Variants in DMD observed in about 807,000 individuals in gnomAD.
The protein encoded by DMD is dystrophin, also known as mutant dystrophin.
In DMD, 63 loss-of-function variants were observed where a neutral mutation model predicts 330.1. The observed-to-expected ratio is 0.19, with a 90% confidence interval of 0.16 to 0.24. The LOEUF (loss-of-function observed/expected upper bound fraction) is 0.24, where lower values mean the gene tolerates loss of function less well. DMD is among the 10% of genes least tolerant of loss of function. The pLI is 1.00. For missense variants in DMD, 3,344 were observed against 2,684.1 expected (o/e 1.25, Z -5.43); for synonymous variants, 1,223 against 959.8 (o/e 1.27, Z -5.07).
intron 44 of DMD, among the ~76,000 whole-genome samples, chrX:32,014,412 G>A (rs1204670837): frequency 9.0e-6 from 1 of 111,330 alleles, no homozygotes; most frequent in Non-Finnish European, 1.9e-5. Context: ...AGGAATCCAA[G>A]CATTGGAAAT....
At chrX:32,504,499 C>A (rs1462956772) in intron 18 of DMD, among the ~76,000 whole-genome samples, 1 of 109,841 alleles carries the variant, frequency 9.1e-6, no homozygotes, top group African/African-American at 3.3e-5. Context: ...TGGTGGCAGG[C>A]ACCTATAATC....
intron 64 of DMD, among the ~76,000 whole-genome samples, chrX:31,221,240 AC>A (rs144728111): frequency 0.064 from 7,124 of 110,893 alleles, 213 homozygotes; most frequent in Non-Finnish European, 0.091. Context: ...TGATTATGTC[AC>A]CCCCAGGCCA....
rs1329387146 is a variant in DMD at position 31,444,501 on chromosome X, T to C, written c.9064A>G (p.Thr3022Ala). Residue 3022 changes from threonine to alanine, a missense_variant, in exon 60 of 79, where the codon ACC (threonine) becomes GCC (alanine). Thr to Ala is a moderately conservative substitution (Grantham distance 58, BLOSUM62 0). Coordinates refer to ENST00000357033, the MANE Select transcript of DMD (RefSeq NM_004006.3). ...CTTACCTGCAGAAGCTTCCATCTGG[T>C]GTTCAGGTCTTCCAGAGTGCTGAGG... is the stretch of plus-strand genomic sequence containing the variant. Reference protein sequence around the residue: ...YNLSTLEDLNTRWKLLQVAVE... With the variant: ...YNLSTLEDLNARWKLLQVAVE... 1 of 1,211,682 alleles carries C rather than the reference T, an allele frequency of 8.3e-7. No individual in the cohort carries two copies. The highest frequency in any genetic ancestry group is 2.2e-5 in the Admixed American group (1 of 46,009).
chrX:33,112,484 T>C, intron 1 of DMD, among the ~76,000 whole-genome samples: 1 of 111,771 alleles, frequency 8.9e-6, no homozygotes, highest in Non-Finnish European at 1.9e-5. Context: ...CGCTATGCGG[T>C]TTATTGACAT....
chrX:32,851,316 G>C (rs1302196510), intron 2 of DMD, among the ~76,000 whole-genome samples: 1 of 112,101 alleles, frequency 8.9e-6, no homozygotes, highest in South Asian at 3.7e-4. Flanking sequence ...GCCCAGCTTT[G>C]TGAATCCAGC....
intron 1 of DMD, among the ~76,000 whole-genome samples, chrX:33,169,264 A>T (rs2148693755): frequency 8.9e-6 from 1 of 112,093 alleles, no homozygotes; most frequent in South Asian, 3.6e-4. Context: ...GAAACAATAC[A>T]AATGATCTTT....
rs370129371 is a variant in DMD at position 33,297,615 on chromosome X, A to C, written c.7+41644T>G. Among the ~76,000 whole-genome samples, 3 of 111,665 alleles carry C rather than the reference A, an allele frequency of 2.7e-5. No homozygotes were observed. In the East Asian group the frequency reaches 8.5e-4, roughly 31 times the overall value. On this transcript the variant is annotated intron_variant, in intron 1 of 17. Transcript: ENST00000288447. Reference sequence around the variant, plus strand: ...TTTGTGGATGTATGGATGAATAAAGAAATTATGGTATGTATACAATGAAAT... The same window carrying C: ...TTTGTGGATGTATGGATGAATAAAGCAATTATGGTATGTATACAATGAAAT...
rs750012086 is a variant in DMD at position 32,134,836 on chromosome X, G to T, written c.6438+82080C>A. ...AATAGGGTATATGTGAGATGAAAAA[G>T]TATCCTCAGAGATGAAAGGATTTGC... On this transcript the variant is annotated intron_variant, in intron 44 of 78. Coordinates refer to ENST00000357033, the MANE Select transcript of DMD (RefSeq NM_004006.3). Among the ~76,000 whole-genome samples the T allele has an allele frequency of 6.3e-5, 7 of 111,917 alleles. No individual in the cohort carries two copies. The East Asian group carries it at 2.0e-3, about 31-fold the overall frequency.
chrX:31,620,581 A>C (rs2078473947), intron 55 of DMD, among the ~76,000 whole-genome samples: 2 of 109,115 alleles, frequency 1.8e-5, no homozygotes, highest in South Asian at 4.0e-4. Context: ...CACCTGGCTA[A>C]TTTTTGTATT....
chrX:32,704,485 C>T (rs1230449418), intron 7 of DMD, among the ~76,000 whole-genome samples: 1 of 111,628 alleles, frequency 9.0e-6, no homozygotes, highest in South Asian at 3.7e-4. Context: ...AAATTTCAGG[C>T]CAAGTTTCTG....
At chrX:31,595,291 C>T (rs1476563384) in intron 55 of DMD, among the ~76,000 whole-genome samples, 3 of 111,135 alleles carry the variant, frequency 2.7e-5, no homozygotes, top group Non-Finnish European at 5.7e-5. Context: ...GTAAATATTA[C>T]ATCTTTACCC....
At chrX:32,458,666 G>A (rs1463324798) in intron 25 of DMD, among the ~76,000 whole-genome samples, 4 of 110,992 alleles carry the variant, frequency 3.6e-5, no homozygotes. Context: ...AGTATCTTTT[G>A]CTTTGTTTTG....
intron 45 of DMD, among the ~76,000 whole-genome samples, chrX:31,938,283 G>A (rs2094948682): frequency 9.0e-6 from 1 of 111,287 alleles, no homozygotes; most frequent in Non-Finnish European, 1.9e-5. Flanking sequence ...TGAAGTTCTA[G>A]AGATTGATAC....
chrX:33,157,712 T>A (rs956357799), intron 1 of DMD, among the ~76,000 whole-genome samples: 2 of 111,975 alleles, frequency 1.8e-5, no homozygotes, highest in Admixed American at 1.9e-4. Context: ...TCCCAGCACT[T>A]TGGGAGGCTG....
intron 44 of DMD, among the ~76,000 whole-genome samples, chrX:32,086,878 C>T (rs1258978816): frequency 1.8e-5 from 2 of 111,639 alleles, no homozygotes; most frequent in Non-Finnish European, 3.8e-5. Context: ...TGGCCTGGAG[C>T]TCCAAAAGTA....
intron 1 of DMD, among the ~76,000 whole-genome samples, chrX:33,280,956 G>A (rs2148921391): frequency 9.0e-6 from 1 of 111,536 alleles, no homozygotes; most frequent in East Asian, 2.8e-4. Flanking sequence ...TTTATAATAA[G>A]CCTGTGTAAG....
chrX:32,492,464 C>A (rs1165092857), intron 19 of DMD, among the ~76,000 whole-genome samples: 12 of 112,131 alleles, frequency 1.1e-4, no homozygotes, highest in African/African-American at 3.9e-4. Context: ...GTAGTAATAC[C>A]AAACCCAGAA....
At chrX:32,164,947 G>T (rs1219039175) in intron 44 of DMD, among the ~76,000 whole-genome samples, 5 of 112,392 alleles carry the variant, frequency 4.4e-5, no homozygotes, top group Non-Finnish European at 9.4e-5. Flanking sequence ...ACGTGGTGTT[G>T]AGTCTGTGGA....
intron 1 of DMD, among the ~76,000 whole-genome samples, chrX:33,117,069 T>C (rs911016090): frequency 5.5e-5 from 6 of 110,013 alleles, no homozygotes; most frequent in Non-Finnish European, 1.1e-4. Context: ...CCACATTATA[T>C]ATATATATAT....
Sources: allele counts gnomAD v4.1 joint callset (sites outside exome capture counted in the v4.1 genomes callset), GRCh38; gene constraint gnomAD v4.1.1; transcripts MANE v1.5; gene names NCBI Gene and HGNC (gene_info 2026-07-23, HGNC 2026-07-21).